The following GBP3 variants were observed in gnomAD, a reference collection of about 807,000 sequenced individuals.
The protein encoded by GBP3 is guanylate-binding protein 3.
A neutral mutation model predicts 62.4 loss-of-function variants in GBP3; 55 were observed. That is an observed-to-expected ratio of 0.88 (90% CI 0.71 to 1.10). The LOEUF is 1.10. Among genes scored for constraint, GBP3 ranks in the 50% least tolerant of loss-of-function variants. The pLI is 0.00. For synonymous variants in GBP3, 208 were observed against 259.2 expected (o/e 0.80, Z 1.90); for missense variants, 605 against 690.6 (o/e 0.88, Z 1.39).
intron 1 of GBP3, among the ~76,000 whole-genome samples, 187 bp from the exon 2 acceptor site, chr1:89,020,930 T>G (rs1679153668): frequency 6.6e-6 from 1 of 152,196 alleles, no homozygotes; most frequent in African/African-American, 2.4e-5. Context: ...TGACAGTAAC[T>G]TATCAACAGT....
Position 89,007,696 on chromosome 1 carries a change from G to T in GBP3, c.*28C>A, listed in dbSNP as rs1678294616. On this transcript the variant is annotated 3_prime_UTR_variant, in exon 11 of 11. Transcript: ENST00000370481. ...CTAAAATTGTTTCAGTTATGCCTTG[G>T]GTTAGGATGACAGAAAAGCTCTGTT... The T allele has an allele frequency of 1.9e-6, 3 of 1,596,668 alleles. No individual in the cohort carries two copies. The highest frequency in any genetic ancestry group is 1.4e-5 in the African/African-American group (1 of 73,994).
chr1:89,020,861 G>C, intron 1 of GBP3, 118 bp from the exon 2 acceptor site: 2 of 733,616 alleles, frequency 2.7e-6, no homozygotes, highest in Non-Finnish European at 4.5e-6. Context: ...AGAGATGAGG[G>C]AAAATGTGTA....
intron 1 of GBP3, among the ~76,000 whole-genome samples, chr1:89,021,544 A>ACACACACACAC (rs761151308): frequency 2.1e-5 from 3 of 140,946 alleles, no homozygotes; most frequent in Non-Finnish European, 4.7e-5. Flanking sequence ...ACACACACAC[A>ACACACACACAC]CCCCAAAAAA....
In GBP3 at chr1:89,021,544, A is replaced by ACACACACACACACCCCCCCC. The variant is rs761151308; in HGVS notation, c.-22-802_-22-801insGGGGGGGGTGTGTGTGTGTG. ...CACACACACACACACACACACACAC[A>ACACACACACACACCCCCCCC]CCCCAAAAAAACCAAACCAAACAAA... On this transcript the variant is annotated intron_variant, in intron 1 of 10. Coordinates refer to ENST00000370481, the MANE Select transcript of GBP3 (RefSeq NM_018284.3). 2.1e-5 allele frequency among the ~76,000 whole-genome samples: 3 copies of ACACACACACACACCCCCCCC among 141,050 alleles called. No individual in the cohort carries two copies. The East Asian group carries it at 6.4e-4, about 30-fold the overall frequency. 92.5% of individuals were successfully genotyped at this position (141,050 alleles called of 152,430 possible). A position where few individuals can be genotyped will look rare whatever the true frequency, so the allele number is the denominator to read the frequency against.
At chr1:89,010,124 ATTTT>A (rs3065858) in intron 8 of GBP3, among the ~76,000 whole-genome samples, 3,054 of 144,518 alleles carry the variant, frequency 0.021, 113 homozygotes, top group African/African-American at 0.072. Context: ...TAATTAACTA[ATTTT>A]TTTTTTTTTT....
rs1459087720 is a variant in GBP3 at position 89,014,239 on chromosome 1, A to C, written c.469T>G (p.Ser157Ala). 1 of 1,614,184 alleles carries C rather than the reference A, an allele frequency of 6.2e-7. No individual in the cohort carries two copies. Among genetic ancestry groups the C allele is most frequent in the Admixed American group, 1.7e-5 (1 of 60,024 alleles). Residue 157 changes from serine to alanine, a missense_variant, in exon 5 of 11, where the codon TCA (serine) becomes GCA (alanine). This residue lies in a region of GBP3 where 308 missense variants were observed against 318.0 expected (regional missense o/e 0.97). Coordinates refer to ENST00000370481, the MANE Select transcript of GBP3 (RefSeq NM_018284.3). ...ELTHRIRSKS[S>A]PDENENEDSA... ...TCCTCATTCTCATTCTCATCAGGTG[A>C]GGATTTTGATCGGATTCGATGTGTC...
rs771474093 is a variant in GBP3 at position 89,011,734 on chromosome 1, A to T, written c.1149+13T>A. ...CAAAATCCAAATCCATGTAAATGTG[A>T]TAGAAAAATTACCGCTAATTTCTTT... On this transcript the variant is annotated intron_variant, in intron 7 of 10. Transcript: ENST00000370481. The T allele has an allele frequency of 6.8e-7, 1 of 1,462,082 alleles. No individual in the cohort carries two copies. The highest frequency in any genetic ancestry group is 9.5e-7 in the Non-Finnish European group (1 of 1,055,054). 90.6% of individuals were successfully genotyped at this position (1,462,082 alleles called of 1,614,324 possible).
chr1:89,015,934 T>C (rs1185364903), intron 2 of GBP3, among the ~76,000 whole-genome samples: 1 of 152,004 alleles, frequency 6.6e-6, no homozygotes, highest in Non-Finnish European at 1.5e-5. Flanking sequence ...GTACTAGAGG[T>C]CCTATCCAGA....
intron 10 of GBP3, 75 bp from the exon 11 acceptor site, chr1:89,007,927 C>A: frequency 7.2e-7 from 1 of 1,380,652 alleles, no homozygotes; most frequent in South Asian, 1.3e-5. Context: ...TTTCCACATG[C>A]ATTGATTTAT....
At position 89,009,477 on chromosome 1, in the gene GBP3, C is replaced by G. The variant is rs760939883; in HGVS notation, c.1380G>C (p.Gln460His). The change falls in exon 9 of 11, where the codon CAG becomes CAC. Residue 460 changes from glutamine (Q) to histidine (H), a missense_variant. Coordinates refer to ENST00000370481, the MANE Select transcript of GBP3 (RefSeq NM_018284.3). Reference sequence around the variant, plus strand: ...CAGACTCCTTGGATTTCAAGTATGTCTGCAGAATCTCTTCAGCCTTAGGAC... The same window carrying G: ...CAGACTCCTTGGATTTCAAGTATGTGTGCAGAATCTCTTCAGCCTTAGGAC... ...RKGIQAEEIL[Q>H]TYLKSKESVT... is the part of the protein sequence containing the mutation. The G allele has an allele frequency of 6.2e-7, 1 of 1,614,130 alleles. No individual in the cohort carries two copies. The highest frequency in any genetic ancestry group is 1.1e-5 in the South Asian group (1 of 91,080).
chr1:89,012,984 T>C (rs1019431268), intron 6 of GBP3, among the ~76,000 whole-genome samples: 15 of 140,916 alleles, frequency 1.1e-4, no homozygotes, highest in Non-Finnish European at 1.8e-4. Context: ...ATTACAGGTA[T>C]GTGCCACCAT....
At chr1:89,009,951 G>C (rs1678462464) in intron 8 of GBP3, among the ~76,000 whole-genome samples, 1 of 152,056 alleles carries the variant, frequency 6.6e-6, no homozygotes, top group South Asian at 2.1e-4. Flanking sequence ...AATCCAGTTT[G>C]AAACCTAAAA....
In GBP3 at chr1:89,014,597, G is replaced by A. The variant is rs148546933; in HGVS notation, c.378C>T (p.Leu126=). 760 of 1,614,068 alleles carry A rather than the reference G, an allele frequency of 4.7e-4. 2 individuals carry two copies. The highest frequency in any genetic ancestry group is 2.4e-3 in the African/African-American group (178 of 75,024). Residue 126 remains leucine, a synonymous_variant, in exon 4 of 11, where the codon CTC becomes CTT. Transcript: ENST00000370481. ...TGATGGTTCCCATGCTATTGTACAC[G>A]AGAGTGCTGCTCAGGAGGACGGCCA... is the stretch of plus-strand genomic sequence containing the variant. ...FTLAVLLSST[L]VYNSMGTINQ...
intron 9 of GBP3, 81 bp from the exon 10 acceptor site, chr1:89,009,221 G>A: frequency 6.9e-7 from 1 of 1,452,224 alleles, no homozygotes; most frequent in South Asian, 1.2e-5. Context: ...CATTGTTGCT[G>A]CTGACTGCAT....
intron 8 of GBP3, among the ~76,000 whole-genome samples, chr1:89,010,032 T>A (rs1678467954): frequency 6.6e-6 from 1 of 152,200 alleles, no homozygotes; most frequent in Non-Finnish European, 1.5e-5. Flanking sequence ...AAAATCCAGC[T>A]GTAATGATCA....
rs1678274641 is a variant in GBP3, at chr1:89,007,408, C to G, written c.*316G>C. ...GGACCCATTGTACACTTGGCCAAAC[C>G]AGTGCCCAAATATGTCCCAAGATTT... On this transcript the variant is annotated 3_prime_UTR_variant, in exon 11 of 11. Coordinates refer to ENST00000370481, the MANE Select transcript of GBP3 (RefSeq NM_018284.3). 1 of 238,622 alleles carries G rather than the reference C, an allele frequency of 4.2e-6. No homozygotes were observed. The highest frequency in any genetic ancestry group is 1.1e-4 in the East Asian group (1 of 9,214). 14.8% of individuals were successfully genotyped at this position (238,622 alleles called of 1,614,324 possible).
At position 89,021,510 on chromosome 1, in the gene GBP3, GCA is replaced by G. The variant is rs1553178198; in HGVS notation, c.-22-769_-22-768del. On this transcript the variant is annotated intron_variant, in intron 1 of 10. Transcript: ENST00000370481. ...CTAAGAAACACGCATGCGCGCGCGCGCACACACACACACACACACACACACAC... is the reference window on the plus strand; with the variant it reads ...CTAAGAAACACGCATGCGCGCGCGCGCACACACACACACACACACACACAC... 9.3e-3 allele frequency among the ~76,000 whole-genome samples: 1,221 copies of G among 131,676 alleles called. 21 individuals are homozygous for G. The highest frequency in any genetic ancestry group is 0.067 in the East Asian group (288 of 4,298). 86.4% of individuals were successfully genotyped at this position (131,676 alleles called of 152,430 possible).
intron 3 of GBP3, 152 bp downstream of exon 3, chr1:89,015,135 T>TC: frequency 5.8e-6 from 4 of 686,238 alleles, no homozygotes; most frequent in Non-Finnish European, 2.4e-6. Context: ...TTTTCTCACT[T>TC]CTGGTTGCTA....
chr1:89,008,857 C>T (rs747404066), intron 10 of GBP3, 90 bp downstream of exon 10: 3 of 1,589,594 alleles, frequency 1.9e-6, no homozygotes, highest in Non-Finnish European at 2.6e-6. Context: ...TTCCCCTGGG[C>T]TTTATGTTCG....
Sources: gnomAD v4.1 joint callset for allele counts (sites outside exome capture counted in the v4.1 genomes callset) on GRCh38, gnomAD v4.1.1 for gene constraint, gnomAD v4.1.1 regional missense constraint, MANE v1.5 for transcripts, NCBI Gene and HGNC (gene_info 2026-07-23, HGNC 2026-07-21) for gene names.